Variants in ATF7IP observed in about 807,000 individuals in gnomAD.
The protein encoded by ATF7IP is activating transcription factor 7 interacting protein, also known as activating transcription factor 7-interacting protein 1.
Under a neutral mutation model 106.4 loss-of-function variants are expected in ATF7IP, and 23 were observed. That is an observed-to-expected ratio of 0.22 (90% CI 0.16 to 0.31). The LOEUF (loss-of-function observed/expected upper bound fraction) is 0.31, where lower values mean the gene tolerates loss of function less well. Among genes scored for constraint, ATF7IP ranks in the 10% least tolerant of loss-of-function variants. The pLI is 1.00. For missense variants in ATF7IP, 1,334 were observed against 1,524.3 expected, an observed-to-expected ratio of 0.88 and a Z score of 2.08; for synonymous variants, 542 against 539.0, an observed-to-expected ratio of 1.01 and a Z score of -0.08.
In ATF7IP at chr12:14,421,383, C is replaced by G. The variant is rs139077131; in HGVS notation, c.-7-2526C>G. 2.6e-5 allele frequency among the ~76,000 whole-genome samples: 4 copies of G among 152,236 alleles called. No homozygotes were observed. The East Asian group carries it at 7.7e-4, about 29-fold the overall frequency. Reference sequence around the variant, plus strand: ...AACAGAAGTTTATCGTCTCAGAGTTCTGGAGGCAACACATTTGAAATCACG... The same window carrying G: ...AACAGAAGTTTATCGTCTCAGAGTTGTGGAGGCAACACATTTGAAATCACG... On this transcript the variant is annotated intron_variant, in intron 1 of 14. Transcript: ENST00000261168.
intron 1 of ATF7IP, among the ~76,000 whole-genome samples, chr12:14,417,705 T>C (rs12370700): frequency 0.31 from 46,523 of 152,094 alleles, 8,268 homozygotes; most frequent in Admixed American, 0.45. Flanking sequence ...ATGTAAATCT[T>C]ATCCATTTAT....
chr12:14,450,766 T>C (rs996492304), intron 6 of ATF7IP, among the ~76,000 whole-genome samples: 2 of 152,140 alleles, frequency 1.3e-5, no homozygotes, highest in African/African-American at 4.8e-5. Flanking sequence ...CTTAGGTTTT[T>C]GTTTGTTAAT....
chr12:14,438,068 T>G, intron 4 of ATF7IP, 62 bp from the exon 5 acceptor site: 2 of 1,521,216 alleles, frequency 1.3e-6, no homozygotes, highest in Non-Finnish European at 1.8e-6. Context: ...AAAAGAATAT[T>G]TACTGTTTAT....
chr12:14,435,776 A>T (rs376988113), intron 3 of ATF7IP, among the ~76,000 whole-genome samples: 11 of 152,198 alleles, frequency 7.2e-5, no homozygotes, highest in African/African-American at 2.7e-4. Flanking sequence ...GCACTGTGAC[A>T]TTTAGTTACA....
At chr12:14,489,917 T>C (rs1944753414) in intron 13 of ATF7IP, among the ~76,000 whole-genome samples, 2 of 152,166 alleles carry the variant, frequency 1.3e-5, no homozygotes, top group South Asian at 2.1e-4. Context: ...CTTGAGTATA[T>C]GTCTATTCCA....
At chr12:14,395,805 C>G (rs1939804937) in intron 1 of ATF7IP, among the ~76,000 whole-genome samples, 1 of 151,828 alleles carries the variant, frequency 6.6e-6, no homozygotes, top group Non-Finnish European at 1.5e-5. Context: ...CTTTCCATTT[C>G]TCTATATTTA....
intron 13 of ATF7IP, among the ~76,000 whole-genome samples, chr12:14,485,060 G>A (rs7298016): frequency 0.56 from 85,704 of 151,708 alleles, 24,640 homozygotes; most frequent in African/African-American, 0.67. Flanking sequence ...TGATTCATCT[G>A]TGGGGTCCTG....
Position 14,498,019 on chromosome 12 carries a change from G to A in ATF7IP, c.3759G>A (p.Gly1253=), listed in dbSNP as rs753615337. The A allele has an allele frequency of 3.7e-6, 6 of 1,612,994 alleles. No individual in the cohort carries two copies. The highest frequency in any genetic ancestry group is 1.3e-5 in the African/African-American group (1 of 74,904). ...CCAAGGATATTTATGGACGTTTTGGGCCTTTCTGTGATCCTCAGTCAACAG... is the reference window on the plus strand; with the variant it reads ...CCAAGGATATTTATGGACGTTTTGGACCTTTCTGTGATCCTCAGTCAACAG... ...VRAKDIYGRF[G]PFCDPQSTDV... is the part of the protein sequence containing the mutation. Residue 1253 remains glycine, a synonymous_variant, in exon 15 of 15, where the codon GGG becomes GGA. Coordinates refer to ENST00000261168, the MANE Select transcript of ATF7IP (RefSeq NM_018179.5).
intron 1 of ATF7IP, among the ~76,000 whole-genome samples, chr12:14,403,210 CTT>C (rs1289040705): frequency 5.3e-5 from 8 of 151,672 alleles, no homozygotes; most frequent in Non-Finnish European, 8.8e-5. Context: ...CATTTAGTGT[CTT>C]TTCAATTTCT....
At chr12:14,416,899 T>C in intron 1 of ATF7IP, 3 of 984,906 alleles carry the variant, frequency 3.0e-6, no homozygotes, top group Non-Finnish European at 3.6e-6. Context: ...ATTTTTCCTG[T>C]GGGGAGATTA....
intron 2 of ATF7IP, among the ~76,000 whole-genome samples, chr12:14,430,311 C>G (rs1019757783): frequency 2.6e-5 from 4 of 152,162 alleles, no homozygotes; most frequent in African/African-American, 9.7e-5. Context: ...ATCTGGAGAT[C>G]ATTGGTGACT....
chr12:14,437,914 G>A (rs1375912194), intron 4 of ATF7IP, among the ~76,000 whole-genome samples: 9 of 151,430 alleles, frequency 5.9e-5, no homozygotes, highest in Non-Finnish European at 1.3e-4. Flanking sequence ...TTAGCCGGGC[G>A]TAGTGGCGGG....
At chr12:14,473,194 G>A (rs1944118851) in intron 10 of ATF7IP, among the ~76,000 whole-genome samples, 1 of 151,542 alleles carries the variant, frequency 6.6e-6, no homozygotes, top group Non-Finnish European at 1.5e-5. Context: ...GTTGGTTTCT[G>A]TGTACCTTCT....
intron 8 of ATF7IP, 64 bp downstream of exon 8, chr12:14,457,359 C>G: frequency 8.3e-7 from 1 of 1,199,694 alleles, no homozygotes; most frequent in South Asian, 1.4e-5. Context: ...GTTCTCTTTT[C>G]TTACATTCTT....
chr12:14,428,944 A>C (rs1941997594), intron 2 of ATF7IP, among the ~76,000 whole-genome samples: 1 of 152,206 alleles, frequency 6.6e-6, no homozygotes, highest in African/African-American at 2.4e-5. Context: ...TAATTATTAA[A>C]ATGATAATCT....
rs951563114 is a variant in ATF7IP, at chr12:14,426,656, G to A, written c.1558+1183G>A. Reference sequence around the variant, plus strand: ...AGCCTGGGCAACATGGTGAGACCCCGTCTCTACAAAAGTACAAAAATTAGC... The same window carrying A: ...AGCCTGGGCAACATGGTGAGACCCCATCTCTACAAAAGTACAAAAATTAGC... On this transcript the variant is annotated intron_variant, in intron 2 of 14. Coordinates refer to ENST00000261168, the MANE Select transcript of ATF7IP (RefSeq NM_018179.5). Among the ~76,000 whole-genome samples the A allele has an allele frequency of 1.1e-4, 17 of 149,746 alleles. No homozygotes were observed. In the East Asian group the frequency reaches 3.0e-3, roughly 26 times the overall value.
At chr12:14,393,924 A>G (rs895713577) in intron 1 of ATF7IP, among the ~76,000 whole-genome samples, 6 of 152,202 alleles carry the variant, frequency 3.9e-5, no homozygotes, top group Non-Finnish European at 5.9e-5. Flanking sequence ...TCTGGCCAGT[A>G]AAAACAATAC....
intron 10 of ATF7IP, among the ~76,000 whole-genome samples, chr12:14,470,170 A>T (rs545944337): frequency 6.6e-6 from 1 of 152,332 alleles, no homozygotes; most frequent in South Asian, 2.1e-4. Flanking sequence ...CAAGGAATGA[A>T]CAACCAGCTC....
rs1943432079 is a variant in ATF7IP at position 14,456,547 on chromosome 12, T to C, written c.1996-14T>C. ...TGAGTTTTATTTTTACCTTGATTTT[T>C]TTTTCTCCCCCAGCATCCACCCAAC... On this transcript the variant is annotated splice_polypyrimidine_tract_variant and intron_variant, in intron 6 of 14. Transcript: ENST00000261168. 15 of 1,600,272 alleles carry C rather than the reference T, an allele frequency of 9.4e-6. No homozygotes were observed. Among genetic ancestry groups the C allele is most frequent in the Non-Finnish European group, 1.2e-5 (14 of 1,170,342 alleles).
Sources: allele counts gnomAD v4.1 joint callset (sites outside exome capture counted in the v4.1 genomes callset), GRCh38; gene constraint gnomAD v4.1.1; transcripts MANE v1.5; gene names NCBI Gene and HGNC (gene_info 2026-07-23, HGNC 2026-07-21).